Variants in CNTN5 observed in about 807,000 individuals in gnomAD.
CNTN5 encodes contactin 5.
In CNTN5, 77 loss-of-function variants were observed where a neutral mutation model predicts 129.1. The ratio of observed to expected loss-of-function variants is 0.60; its 90% CI spans 0.50 to 0.72. The LOEUF is 0.72. Among genes scored for constraint, CNTN5 ranks in the 30% least tolerant of loss-of-function variants. The pLI is 0.00. For synonymous variants in CNTN5, 509 were observed against 465.6 expected, an observed-to-expected ratio of 1.09 and a Z score of -1.20; for missense variants, 1,478 against 1,328.8, an observed-to-expected ratio of 1.11 and a Z score of -1.75.
At chr11:99,343,703 A>G (rs1025784836) in intron 2 of CNTN5, among the ~76,000 whole-genome samples, 3 of 152,188 alleles carry the variant, frequency 2.0e-5, no homozygotes, top group South Asian at 2.1e-4. Context: ...TGAAAAACTT[A>G]TATTCTTAAA....
intron 4 of CNTN5, among the ~76,000 whole-genome samples, chr11:99,821,693 T>C (rs1946806164): frequency 6.6e-6 from 1 of 152,094 alleles, no homozygotes; most frequent in Non-Finnish European, 1.5e-5. Flanking sequence ...TCTAAAACTG[T>C]GCTCCTCAAT....
intron 7 of CNTN5, among the ~76,000 whole-genome samples, chr11:99,929,560 A>AG (rs1264152906): frequency 6.6e-6 from 1 of 152,200 alleles, no homozygotes; most frequent in Non-Finnish European, 1.5e-5. Context: ...TCATGGTGGA[A>AG]GGGGAAGGAA....
intron 1 of CNTN5, among the ~76,000 whole-genome samples, chr11:99,155,016 T>A (rs1860263030): frequency 6.6e-6 from 1 of 152,060 alleles, no homozygotes; most frequent in Non-Finnish European, 1.5e-5. Flanking sequence ...TCTAAGCAGC[T>A]CCCTCTGCCA....
intron 3 of CNTN5, among the ~76,000 whole-genome samples, chr11:99,807,411 G>C (rs1002515376): frequency 1.3e-5 from 2 of 152,152 alleles, no homozygotes; most frequent in Non-Finnish European, 2.9e-5. Flanking sequence ...TTCATCTATA[G>C]GGATAGGGTT....
At chr11:100,135,702 C>G (rs771871756) in intron 13 of CNTN5, among the ~76,000 whole-genome samples, 13 of 152,150 alleles carry the variant, frequency 8.5e-5, no homozygotes, top group Non-Finnish European at 1.6e-4. Flanking sequence ...ATTACTCTCT[C>G]TTCTGCTTTC....
chr11:100,198,721 C>A (rs528902871), intron 15 of CNTN5, among the ~76,000 whole-genome samples: 17 of 151,980 alleles, frequency 1.1e-4, no homozygotes, highest in Non-Finnish European at 2.1e-4. Context: ...TTATCAGTCA[C>A]TTCTGAATGT....
intron 2 of CNTN5, among the ~76,000 whole-genome samples, chr11:99,543,713 T>C (rs192022002): frequency 0.011 from 1,648 of 151,134 alleles, 33 homozygotes; most frequent in African/African-American, 0.037. Flanking sequence ...AGGTCAGGAG[T>C]TCAAGACCAG....
intron 1 of CNTN5, among the ~76,000 whole-genome samples, chr11:99,262,830 T>G (rs1862704954): frequency 6.6e-6 from 1 of 152,046 alleles, no homozygotes; most frequent in Admixed American, 6.6e-5. Context: ...AAGGTAATGG[T>G]AATGGCTTAC....
intron 16 of CNTN5, among the ~76,000 whole-genome samples, chr11:100,244,333 A>T (rs1240235230): frequency 1.3e-5 from 2 of 152,154 alleles, no homozygotes; most frequent in Admixed American, 6.6e-5. Context: ...TTTTCTTGGA[A>T]TCCTCACTGA....
At chr11:99,469,780 A>G (rs886118001) in intron 2 of CNTN5, among the ~76,000 whole-genome samples, 8 of 152,064 alleles carry the variant, frequency 5.3e-5, no homozygotes, top group Non-Finnish European at 1.0e-4. Flanking sequence ...TTGCACCTAA[A>G]TATCTATGTA....
At chr11:99,585,299 T>C (rs1402940599) in intron 3 of CNTN5, among the ~76,000 whole-genome samples, 1 of 152,210 alleles carries the variant, frequency 6.6e-6, no homozygotes, top group African/African-American at 2.4e-5. Context: ...AATTCTTCTC[T>C]CTTTTTTGAC....
chr11:99,998,019 C>G (rs865881490), intron 8 of CNTN5, among the ~76,000 whole-genome samples: 7 of 152,178 alleles, frequency 4.6e-5, no homozygotes, highest in Admixed American at 2.0e-4. Context: ...ATGATAAGAG[C>G]TATCTATGAC....
At chr11:99,727,070 G>T (rs1354851028) in intron 3 of CNTN5, among the ~76,000 whole-genome samples, 1 of 151,316 alleles carries the variant, frequency 6.6e-6, no homozygotes, top group Non-Finnish European at 1.5e-5. Flanking sequence ...ACTTTGGGAG[G>T]CCGAGGCTGG....
intron 3 of CNTN5, among the ~76,000 whole-genome samples, chr11:99,559,293 C>T (rs1021976153): frequency 1.3e-5 from 2 of 151,882 alleles, no homozygotes; most frequent in African/African-American, 4.8e-5. Context: ...TGAAGAATAC[C>T]CTGATTGTAT....
At chr11:99,778,467 A>C (rs1300281130) in intron 3 of CNTN5, among the ~76,000 whole-genome samples, 1 of 151,892 alleles carries the variant, frequency 6.6e-6, no homozygotes, top group Non-Finnish European at 1.5e-5. Context: ...AATGTATATT[A>C]GAATAGATGG....
intron 9 of CNTN5, among the ~76,000 whole-genome samples, chr11:100,055,604 A>G (rs1194131619): frequency 6.6e-6 from 1 of 151,654 alleles, no homozygotes; most frequent in Non-Finnish European, 1.5e-5. Flanking sequence ...TATATTGAAC[A>G]TAATTGTTCC....
intron 3 of CNTN5, among the ~76,000 whole-genome samples, chr11:99,656,348 T>TC (rs1952363425): frequency 6.6e-6 from 1 of 152,132 alleles, no homozygotes; most frequent in Admixed American, 6.6e-5. Context: ...ATATTTTTTT[T>TC]CCCTCAGGAA....
intron 2 of CNTN5, among the ~76,000 whole-genome samples, chr11:99,326,658 G>A (rs932303083): frequency 6.6e-6 from 1 of 152,126 alleles, no homozygotes; most frequent in East Asian, 1.9e-4. Flanking sequence ...AATCATGCCA[G>A]TCTGTCATTT....
chr11:99,982,355 C>T (rs1049842849), intron 8 of CNTN5, among the ~76,000 whole-genome samples: 2 of 152,012 alleles, frequency 1.3e-5, no homozygotes, highest in Non-Finnish European at 2.9e-5. Flanking sequence ...GATAAAAATG[C>T]TATTTTAGAA....
Sources: allele counts gnomAD v4.1 joint callset (sites outside exome capture counted in the v4.1 genomes callset), GRCh38; gene constraint gnomAD v4.1.1; transcripts MANE v1.5; gene names NCBI Gene and HGNC (gene_info 2026-07-23, HGNC 2026-07-21).